The following SPATA31C2 variants were observed in gnomAD, a reference collection of about 807,000 sequenced individuals.
The protein encoded by SPATA31C2 is SPATA31 subfamily C member 2, also known as spermatogenesis-associated protein 31C2.
Under a neutral mutation model 11.4 loss-of-function variants are expected in SPATA31C2, and 5 were observed. That is an observed-to-expected ratio of 0.44 (90% CI 0.23 to 0.92). The LOEUF (loss-of-function observed/expected upper bound fraction) is 0.92. Ranked by LOEUF, SPATA31C2 falls within the 40% of genes least tolerant of loss-of-function variation. SPATA31C2 has a pLI of 0.24. For missense variants in SPATA31C2, 1,353 were observed against 1,368.6 expected (o/e 0.99, Z 0.18); for synonymous variants, 515 against 538.7 (o/e 0.96, Z 0.61).
At position 88,131,238 on chromosome 9, in the gene SPATA31C2, CAGGATCGACGCACACTCACG is replaced by C; in HGVS notation, c.1779_1798del (p.Val594AlafsTer39). 1 of 1,611,872 alleles carries C rather than the reference CAGGATCGACGCACACTCACG, an allele frequency of 6.2e-7. No individual in the cohort carries two copies. Among genetic ancestry groups the C allele is most frequent in the Non-Finnish European group, 8.5e-7 (1 of 1,179,870 alleles). On this transcript the variant is annotated frameshift_variant, in exon 4 of 4. Transcript: ENST00000324915. LOFTEE classifies it low-confidence loss of function (END_TRUNC). ...GGGAAAAGCCTGGTTGACAGCAAGCCAGGATCGACGCACACTCACGGGGATCAAGCCCTCGTTGGTCTGGC... is the reference window on the plus strand; with the variant it reads ...GGGAAAAGCCTGGTTGACAGCAAGCCGGGATCAAGCCCTCGTTGGTCTGGC...
At position 88,129,827 on chromosome 9, in the gene SPATA31C2, G is replaced by T. The variant is rs1435928618; in HGVS notation, c.3210C>A (p.Cys1070Ter). Residue 1070 changes from cysteine to a stop codon, truncating the protein, a stop_gained, in exon 4 of 4, where the codon TGC becomes TGA. Transcript: ENST00000324915. LOFTEE classifies it low-confidence loss of function (END_TRUNC). ...GQILEENMSL[C>*]HARHASKVNQ... Reference sequence around the variant, plus strand: ...TTACCTTCGAGGCATGGCGCGCATGGCAAAGTGACATGTTCTCCTCCAGTA... The same window carrying T: ...TTACCTTCGAGGCATGGCGCGCATGTCAAAGTGACATGTTCTCCTCCAGTA... 6.2e-7 allele frequency: 1 copy of T among 1,604,468 alleles called. No individual in the cohort carries two copies. Among genetic ancestry groups the T allele is most frequent in the Non-Finnish European group, 8.5e-7 (1 of 1,173,904 alleles).
chr9:88,133,730 C>G, intron 1 of SPATA31C2, 61 bp from the exon 2 acceptor site: 1 of 1,509,048 alleles, frequency 6.6e-7, no homozygotes, highest in Non-Finnish European at 8.9e-7. Context: ...CCCAGCCCAG[C>G]CGCAGCACGC....
Position 88,137,235 on chromosome 9 carries a change from A to G in SPATA31C2, c.189+1023T>C, listed in dbSNP as rs578065685. Among the ~76,000 whole-genome samples, 174 of 149,090 alleles carry G rather than the reference A, an allele frequency of 1.2e-3. 2 individuals are homozygous for G. The highest frequency in any genetic ancestry group is 4.0e-3 in the African/African-American group (163 of 40,574). ...AGTACAACCAACTGACTTTTGAAAA[A>G]AGTGCAATATCGGTTCAATAGTACA... On this transcript the variant is annotated intron_variant, in intron 1 of 3. Transcript: ENST00000324915.
rs1221373065 is a variant in SPATA31C2 at position 88,131,704 on chromosome 9, C to A, written c.1333G>T (p.Val445Phe). The change falls in exon 4 of 4, where the codon GTC (valine) becomes TTC (phenylalanine). Residue 445 changes from valine to phenylalanine, a missense_variant. Physicochemically the swap from Val to Phe is conservative, Grantham distance 50. Around this residue, in one of 6 missense-constraint regions of SPATA31C2, gnomAD observed 1,075 missense variants for 992.8 expected, o/e 1.08. Transcript: ENST00000324915. ...LTSILPENFP[V>F]SPELWRQLEQ... ...AGTTGTCTCCAGAGTTCAGGACTGA[C>A]TGGAAAGTTCTCAGGCAGAATGGAT... The A allele has an allele frequency of 6.2e-7, 1 of 1,611,868 alleles. No homozygotes were observed. Among genetic ancestry groups the A allele is most frequent in the African/African-American group, 1.3e-5 (1 of 74,848 alleles).
Position 88,132,429 on chromosome 9 carries a change from G to A in SPATA31C2, c.608C>T (p.Ser203Leu), listed in dbSNP as rs1417412252. Residue 203 changes from serine (S) to leucine (L), a missense_variant, in exon 4 of 4, where the codon TCA becomes TTA. By Grantham distance (145) the Ser-to-Leu change is moderately radical. Transcript: ENST00000324915. ...AGGGAAAAGTGCAGGTGGCTCGGGT[G>A]AGGGATGTTCTAGGAGAAGGGAAGG... ...PEPSLLLEHP[S>L]PEPPALFPHP... The A allele has an allele frequency of 6.2e-7, 1 of 1,611,316 alleles. No individual in the cohort carries two copies. The highest frequency in any genetic ancestry group is 1.7e-5 in the Admixed American group (1 of 59,864).
rs1563964870 is a variant in SPATA31C2 at position 88,137,988 on chromosome 9, G to GAGACCTCCCCC, written c.189+269_189+270insGGGGGAGGTCT. On this transcript the variant is annotated intron_variant, in intron 1 of 3. Transcript: ENST00000324915. The stretch of plus-strand genomic sequence containing the variant: ...CAGAGACCTCCCCCGTCTCATGACC[G>GAGACCTCCCCC]GTCCTGGCCGCTGAGCCCACGGGTT... Among the ~76,000 whole-genome samples, 22 of 104,050 alleles carry GAGACCTCCCCC rather than the reference G, an allele frequency of 2.1e-4. No homozygotes were observed. The East Asian group carries it at 7.7e-3, about 36-fold the overall frequency. The allele number at this position is 104,050 out of a possible 152,430, so 68.3% of individuals were successfully genotyped here. A position where few individuals can be genotyped will look rare whatever the true frequency, so the allele number is the denominator to read the frequency against.
In SPATA31C2 at chr9:88,132,008, G is replaced by C; in HGVS notation, c.1029C>G (p.Phe343Leu). The C allele has an allele frequency of 6.2e-7, 1 of 1,611,050 alleles. No individual in the cohort carries two copies. Among genetic ancestry groups the C allele is most frequent in the Non-Finnish European group, 8.5e-7 (1 of 1,177,836 alleles). ...CGGCCTGAGCCATAGGTGTGGGCCA[G>C]AATTGGGGTGTGGATGAAATAAAGG... ...SQPFISSTPQ[F>L]WPTPMAQAEA... The change falls in exon 4 of 4, where the codon TTC (phenylalanine) becomes TTG (leucine). Residue 343 changes from phenylalanine (F) to leucine (L), a missense_variant. Around this residue, in one of 6 missense-constraint regions of SPATA31C2, gnomAD observed 1,075 missense variants for 992.8 expected, o/e 1.08. Coordinates refer to ENST00000324915, the MANE Select transcript of SPATA31C2 (RefSeq NM_001350978.3).
Position 88,130,952 on chromosome 9 carries a change from A to T in SPATA31C2, c.2085T>A (p.Ser695=). 1.9e-6 allele frequency: 3 copies of T among 1,613,278 alleles called. No individual in the cohort carries two copies. Among genetic ancestry groups the T allele is most frequent in the Non-Finnish European group, 2.5e-6 (3 of 1,179,870 alleles). The change falls in exon 4 of 4, where the codon TCT becomes TCA. Residue 695 remains serine, a synonymous_variant. Transcript: ENST00000324915. Reference sequence around the variant, plus strand: ...CCACCTCAACTTTTGAGCCAGCCCCAGATTCGCAGGTGTCTGAGGAGGGAC... The same window carrying T: ...CCACCTCAACTTTTGAGCCAGCCCCTGATTCGCAGGTGTCTGAGGAGGGAC... ...LAGPSSDTCE[S]GAGSKVEVAT...
At position 88,136,000 on chromosome 9, in the gene SPATA31C2, C is replaced by A. The variant is rs1470897062; in HGVS notation, c.189+2258G>T. Among the ~76,000 whole-genome samples, 5 of 134,868 alleles carry A rather than the reference C, an allele frequency of 3.7e-5. 1 individual carries two copies. The highest frequency in any genetic ancestry group is 8.0e-5 in the Non-Finnish European group (5 of 62,672). 88.5% of individuals were successfully genotyped at this position (134,868 alleles called of 152,430 possible). On this transcript the variant is annotated intron_variant, in intron 1 of 3. Coordinates refer to ENST00000324915, the MANE Select transcript of SPATA31C2 (RefSeq NM_001350978.3). Reference sequence around the variant, plus strand: ...CCAGGCTGGAGTGCAGTGGCACGCTCTTGGCTCACTGCAACCTGTGCCTCC... The same window carrying A: ...CCAGGCTGGAGTGCAGTGGCACGCTATTGGCTCACTGCAACCTGTGCCTCC...
In SPATA31C2 at chr9:88,129,635, C is replaced by G. The variant is rs1023686329; in HGVS notation, c.3402G>C (p.Gln1134His). 3.1e-6 allele frequency: 5 copies of G among 1,602,860 alleles called. No homozygotes were observed. The African/African-American group carries it at 6.7e-5, about 21-fold the overall frequency. The change falls in exon 4 of 4, where the codon CAG becomes CAC. Residue 1134 changes from glutamine (Q) to histidine (H), a missense_variant. By Grantham distance (24) the Gln-to-His change is conservative (BLOSUM62 0). Around this residue, in one of 6 missense-constraint regions of SPATA31C2, gnomAD observed 187 missense variants for 205.8 expected, o/e 0.91. Transcript: ENST00000324915. ...RPNRDRQIRD[Q>H] ...TGCACCGGACACTTTTCAAGGGCTA[C>G]TGATCTCTGATTTGTCTGTCTCTGT...
In SPATA31C2 at chr9:88,130,945, C is replaced by T; in HGVS notation, c.2092G>A (p.Gly698Ser). The change falls in exon 4 of 4, where the codon GGC becomes AGC. Residue 698 changes from glycine (G) to serine (S), a missense_variant. Gly to Ser is a moderately conservative substitution (Grantham distance 56). Around this residue, in one of 6 missense-constraint regions of SPATA31C2, gnomAD observed 1,075 missense variants for 992.8 expected, o/e 1.08. Coordinates refer to ENST00000324915, the MANE Select transcript of SPATA31C2 (RefSeq NM_001350978.3). ...AACGTGGCCACCTCAACTTTTGAGC[C>T]AGCCCCAGATTCGCAGGTGTCTGAG... is the stretch of plus-strand genomic sequence containing the variant. ...PSSDTCESGAGSKVEVATFLG... is the reference protein window; with the variant it reads ...PSSDTCESGASSKVEVATFLG... 3 of 1,613,458 alleles carry T rather than the reference C, an allele frequency of 1.9e-6. No individual in the cohort carries two copies. The highest frequency in any genetic ancestry group is 2.5e-6 in the Non-Finnish European group (3 of 1,179,878).
In SPATA31C2 at chr9:88,136,516, G is replaced by A. The variant is rs1825684321; in HGVS notation, c.189+1742C>T. Among the ~76,000 whole-genome samples, 2 of 146,898 alleles carry A rather than the reference G, an allele frequency of 1.4e-5. 1 individual carries two copies. The highest frequency in any genetic ancestry group is 4.4e-4 in the South Asian group (2 of 4,538). ...GTTTTTACCCTGTCTTTATTAACAG[G>A]CTCTTATGCAGGGCAAAAGTTTTAA... On this transcript the variant is annotated intron_variant, in intron 1 of 3. Transcript: ENST00000324915.
chr9:88,130,829 A>G lies in SPATA31C2; in HGVS notation c.2208T>C (p.Pro736=). ...GGGCCCTCTGGAACTGCTTACATGCAGGTGAGGAGGCCTGAAGCCTCTCTG... is the reference window on the plus strand; with the variant it reads ...GGGCCCTCTGGAACTGCTTACATGCGGGTGAGGAGGCCTGAAGCCTCTCTG... ...HMPERLQASS[P]ACKQFQRAPR... is the part of the protein sequence containing the mutation. Residue 736 remains proline (P), a synonymous_variant, in exon 4 of 4, where the codon CCT becomes CCC. Transcript: ENST00000324915. The G allele has an allele frequency of 6.2e-7, 1 of 1,613,318 alleles. No homozygotes were observed. The highest frequency in any genetic ancestry group is 1.1e-5 in the South Asian group (1 of 91,040).
intron 1 of SPATA31C2, among the ~76,000 whole-genome samples, chr9:88,136,732 G>A (rs1825687461): frequency 7.2e-6 from 1 of 138,940 alleles, no homozygotes; most frequent in Non-Finnish European, 1.5e-5. Flanking sequence ...ACCACCATTG[G>A]TATCTAATTG....
rs1263046208 is a variant in SPATA31C2, at chr9:88,132,602, A to C, written c.435T>G (p.His145Gln). The C allele has an allele frequency of 3.1e-6, 5 of 1,610,124 alleles. No homozygotes were observed. The highest frequency in any genetic ancestry group is 3.4e-6 in the Non-Finnish European group (4 of 1,177,642). The change falls in exon 4 of 4, where the codon CAT (histidine) becomes CAG (glutamine). Residue 145 changes from histidine (H) to glutamine (Q), a missense_variant. His to Gln is a conservative substitution (Grantham distance 24). Around this residue, in one of 6 missense-constraint regions of SPATA31C2, gnomAD observed 1,075 missense variants for 992.8 expected, o/e 1.08. Transcript: ENST00000324915. ...RTPDGASRSSHEPTEDAAPIV... is the reference protein window; with the variant it reads ...RTPDGASRSSQEPTEDAAPIV... Reference sequence around the variant, plus strand: ...TGGGAGCAGCGTCTTCCGTAGGCTCATGAGAGGACCGGGAGGCTCCATCAG... The same window carrying C: ...TGGGAGCAGCGTCTTCCGTAGGCTCCTGAGAGGACCGGGAGGCTCCATCAG...
chr9:88,129,809 C>T lies in SPATA31C2; in HGVS notation c.3228G>A (p.Ser1076=), dbSNP rs755279510. 19 of 1,604,252 alleles carry T rather than the reference C, an allele frequency of 1.2e-5. No individual in the cohort carries two copies. Among genetic ancestry groups the T allele is most frequent in the South Asian group, 3.3e-5 (3 of 90,960 alleles). ...ACTGCTGTCTTTGCTGATTTACCTT[C>T]GAGGCATGGCGCGCATGGCAAAGTG... ...NMSLCHARHA[S]KVNQQRQQFQ... The change falls in exon 4 of 4, where the codon TCG becomes TCA. Residue 1076 remains serine (S), a synonymous_variant. Coordinates refer to ENST00000324915, the MANE Select transcript of SPATA31C2 (RefSeq NM_001350978.3).
intron 1 of SPATA31C2, among the ~76,000 whole-genome samples, chr9:88,136,198 G>A (rs1825679471): frequency 1.4e-5 from 2 of 144,144 alleles, no homozygotes; most frequent in Non-Finnish European, 3.0e-5. Flanking sequence ...CTCCCAAAGT[G>A]CTGGGATTAC....
In SPATA31C2 at chr9:88,131,144, T is replaced by C. The variant is rs764574716; in HGVS notation, c.1893A>G (p.Thr631=). The change falls in exon 4 of 4, where the codon ACA becomes ACG. Residue 631 remains threonine, a synonymous_variant. Coordinates refer to ENST00000324915, the MANE Select transcript of SPATA31C2 (RefSeq NM_001350978.3). ...GCTCAAGGAAGGAAAGCACCTGGGC[T>C]GTGTTCACACAGGCTTTCCTGCTTT... ...APKSRKACVN[T]AQVLSFLEPC... 3 of 1,612,034 alleles carry C rather than the reference T, an allele frequency of 1.9e-6. No individual in the cohort carries two copies. The South Asian group carries it at 3.3e-5, about 18-fold the overall frequency.
At position 88,130,384 on chromosome 9, in the gene SPATA31C2, C is replaced by G. The variant is rs376256695; in HGVS notation, c.2653G>C (p.Ala885Pro). The part of the protein sequence containing the change: ...ATVVLLPDGQ[A>P]SVVPHASENL... ...TCTGAAGCATGGGGCACAACAGATG[C>G]TTGCCCATCTGGAAGGAGCACAACA... is the stretch of plus-strand genomic sequence containing the variant. Residue 885 changes from alanine (A) to proline (P), a missense_variant, in exon 4 of 4, where the codon GCA (alanine) becomes CCA (proline). Physicochemically the swap from Ala to Pro is conservative, Grantham distance 27. Transcript: ENST00000324915. 2.5e-6 allele frequency: 4 copies of G among 1,611,192 alleles called. No individual in the cohort carries two copies. The Admixed American group carries it at 6.7e-5, about 27-fold the overall frequency.
Sources: gnomAD v4.1 joint callset for allele counts (sites outside exome capture counted in the v4.1 genomes callset) on GRCh38, gnomAD v4.1.1 for gene constraint, gnomAD v4.1.1 regional missense constraint, MANE v1.5 for transcripts, NCBI Gene and HGNC (gene_info 2026-07-23, HGNC 2026-07-21) for gene names.